The following MINDY4 variants were observed in gnomAD, a reference collection of about 807,000 sequenced individuals.
MINDY4 encodes the protein MINDY lysine 48 deubiquitinase 4.
MINDY4 carries 68 observed loss-of-function variants against 87.0 expected under a neutral mutation model. That is an observed-to-expected ratio of 0.78 (90% CI 0.64 to 0.96). MINDY4 has a LOEUF of 0.96. Among genes scored for constraint, MINDY4 ranks in the 40% least tolerant of loss-of-function variants. The pLI is 0.00. For synonymous variants in MINDY4, 379 were observed against 363.2 expected, an observed-to-expected ratio of 1.04 and a Z score of -0.50; for missense variants, 919 against 928.2, an observed-to-expected ratio of 0.99 and a Z score of 0.13.
At chr7:30,838,569 T>C (rs1042014378) in intron 7 of MINDY4, among the ~76,000 whole-genome samples, 2 of 152,130 alleles carry the variant, frequency 1.3e-5, no homozygotes, top group African/African-American at 4.8e-5. Flanking sequence ...ATGGGTGGTA[T>C]GGAAACAAAT....
At chr7:30,840,592 G>T (rs963478048) in intron 8 of MINDY4, among the ~76,000 whole-genome samples, 168 bp from the exon 9 acceptor site, 2 of 152,188 alleles carry the variant, frequency 1.3e-5, no homozygotes, top group Non-Finnish European at 1.5e-5. Flanking sequence ...CCTCTCTGTG[G>T]CCCAAGGTTA....
intron 5 of MINDY4, among the ~76,000 whole-genome samples, chr7:30,808,139 G>A (rs1009544997): frequency 4.6e-5 from 7 of 152,292 alleles, no homozygotes; most frequent in African/African-American, 1.2e-4. Flanking sequence ...CAACTGCCCC[G>A]GTGGAATGCC....
chr7:30,857,045 C>T (rs543457967), intron 12 of MINDY4, among the ~76,000 whole-genome samples: 5 of 152,278 alleles, frequency 3.3e-5, no homozygotes, highest in South Asian at 4.1e-4. Context: ...AGAATGAAGA[C>T]GAGGTTGATT....
At chr7:30,829,703 T>A (rs886807900) in intron 6 of MINDY4, among the ~76,000 whole-genome samples, 1 of 152,178 alleles carries the variant, frequency 6.6e-6, no homozygotes, top group African/African-American at 2.4e-5. Flanking sequence ...GCTCCCCAGA[T>A]GGGGTAGATG....
chr7:30,876,098 T>C (rs141841701), intron 15 of MINDY4, among the ~76,000 whole-genome samples: 42 of 152,106 alleles, frequency 2.8e-4, no homozygotes, highest in African/African-American at 9.2e-4. Flanking sequence ...AAGTCCAAGA[T>C]CAAGGTGTCA....
chr7:30,866,340 C>T (rs1789934975), intron 13 of MINDY4, among the ~76,000 whole-genome samples: 1 of 152,242 alleles, frequency 6.6e-6, no homozygotes, highest in Admixed American at 6.5e-5. Flanking sequence ...TCTCCTGTGC[C>T]AGACCAGCCT....
At chr7:30,820,159 C>A (rs940346277) in intron 5 of MINDY4, among the ~76,000 whole-genome samples, 2 of 151,948 alleles carry the variant, frequency 1.3e-5, no homozygotes, top group Admixed American at 1.3e-4. Flanking sequence ...CCTCGGCCTC[C>A]CAAAGTGCTG....
chr7:30,835,965 G>A (rs1033110092), intron 6 of MINDY4, among the ~76,000 whole-genome samples: 8 of 152,202 alleles, frequency 5.3e-5, no homozygotes, highest in Admixed American at 1.3e-4. Context: ...TACGGTCCCT[G>A]CTGGAGGTCC....
intron 15 of MINDY4, among the ~76,000 whole-genome samples, chr7:30,876,347 T>A (rs540021071): frequency 6.6e-6 from 1 of 152,318 alleles, no homozygotes; most frequent in Non-Finnish European, 1.5e-5. Flanking sequence ...TATGACCTCG[T>A]CTTAACTAAT....
intron 4 of MINDY4, among the ~76,000 whole-genome samples, chr7:30,787,791 T>G (rs1787198637): frequency 6.6e-6 from 1 of 152,240 alleles, no homozygotes; most frequent in African/African-American, 2.4e-5. Flanking sequence ...GGTGACAGTT[T>G]AGACCACATC....
At chr7:30,826,107 T>G (rs1422500259) in intron 5 of MINDY4, among the ~76,000 whole-genome samples, 2 of 152,242 alleles carry the variant, frequency 1.3e-5, no homozygotes, top group African/African-American at 2.4e-5. Flanking sequence ...AGGATTCTTA[T>G]AATTACATTG....
At chr7:30,807,343 T>A (rs1215441795) in intron 5 of MINDY4, among the ~76,000 whole-genome samples, 1 of 152,060 alleles carries the variant, frequency 6.6e-6, no homozygotes, top group African/African-American at 2.4e-5. Flanking sequence ...CACACAGAAT[T>A]CTCACACCCA....
intron 5 of MINDY4, among the ~76,000 whole-genome samples, chr7:30,822,098 T>G (rs1393536646): frequency 6.6e-6 from 1 of 152,190 alleles, no homozygotes; most frequent in Non-Finnish European, 1.5e-5. Context: ...CTTGTAAATA[T>G]TTCAGCATGC....
At chr7:30,786,650 A>T (rs1787165980) in intron 4 of MINDY4, 1 of 151,608 alleles carries the variant, frequency 6.6e-6, no homozygotes, top group Non-Finnish European at 1.5e-5. Flanking sequence ...AAAAAAAAGG[A>T]AAAAACAGCA....
At position 30,847,001 on chromosome 7, in the gene MINDY4, C is replaced by T. The variant is rs553847478; in HGVS notation, c.1446-3453C>T. Among the ~76,000 whole-genome samples, 18 of 152,218 alleles carry T rather than the reference C, an allele frequency of 1.2e-4. No homozygotes were observed. The South Asian group carries it at 3.3e-3, about 28-fold the overall frequency. On this transcript the variant is annotated intron_variant, in intron 9 of 17. Coordinates refer to ENST00000265299, the MANE Select transcript of MINDY4 (RefSeq NM_032222.3). ...TAACAGGCCACAGACCAGTGCCAGT[C>T]TGTGGCCTGGGGGTTGGGAACTCCT...
intron 12 of MINDY4, among the ~76,000 whole-genome samples, chr7:30,855,629 G>A (rs1164832677): frequency 1.3e-5 from 2 of 152,210 alleles, no homozygotes; most frequent in East Asian, 1.9e-4. Context: ...TCAGCACCAG[G>A]ACCTCTGCAT....
intron 5 of MINDY4, among the ~76,000 whole-genome samples, chr7:30,793,254 A>C (rs1433302901): frequency 1.3e-5 from 2 of 151,410 alleles, no homozygotes; most frequent in African/African-American, 2.4e-5. Flanking sequence ...TCTGATAAAC[A>C]GCATGTATTT....
At chr7:30,824,747 T>A (rs1584279753) in intron 5 of MINDY4, among the ~76,000 whole-genome samples, 3 of 152,318 alleles carry the variant, frequency 2.0e-5, no homozygotes, top group Admixed American at 2.0e-4. Flanking sequence ...CTAATTTATT[T>A]ATTTTTTGTG....
chr7:30,841,369 CTG>C (rs777903597), intron 9 of MINDY4, among the ~76,000 whole-genome samples: 76 of 152,390 alleles, frequency 5.0e-4, no homozygotes, highest in Non-Finnish European at 1.0e-3. Flanking sequence ...TGGAACATCT[CTG>C]TGCAGGCACA....
Sources: gnomAD v4.1 joint callset for allele counts (sites outside exome capture counted in the v4.1 genomes callset) on GRCh38, gnomAD v4.1.1 for gene constraint, MANE v1.5 for transcripts, NCBI Gene and HGNC (gene_info 2026-07-23, HGNC 2026-07-21) for gene names.